The following PTPN1 variants were observed in gnomAD, a reference collection of about 807,000 sequenced individuals.
The protein encoded by PTPN1 is protein tyrosine phosphatase non-receptor type 1.
A neutral mutation model predicts 59.9 loss-of-function variants in PTPN1; 12 were observed. That is an observed-to-expected ratio of 0.20 (90% CI 0.13 to 0.32). The LOEUF is 0.32. Among genes scored for constraint, PTPN1 ranks in the 10% least tolerant of loss-of-function variants. The probability of loss-of-function intolerance (pLI) is 1.00; values close to 1 mark genes in which losing one functional copy is unlikely to be tolerated. For missense variants in PTPN1, 356 were observed against 549.2 expected (o/e 0.65, Z 3.52); for synonymous variants, 178 against 203.6 (o/e 0.87, Z 1.07).
At chr20:50,576,114 C>T (rs545346670) in intron 5 of PTPN1, among the ~76,000 whole-genome samples, 4 of 152,240 alleles carry the variant, frequency 2.6e-5, no homozygotes, top group Non-Finnish European at 4.4e-5. Flanking sequence ...CCTGATGGGG[C>T]AGAGGGTTCT....
intron 1 of PTPN1, among the ~76,000 whole-genome samples, chr20:50,537,487 A>G (rs2082629214): frequency 6.6e-6 from 1 of 152,166 alleles, no homozygotes; most frequent in Non-Finnish European, 1.5e-5. Flanking sequence ...CATCTTATTC[A>G]TATTTCCCCA....
At chr20:50,567,957 G>A (rs1015728024) in intron 3 of PTPN1, among the ~76,000 whole-genome samples, 2 of 152,232 alleles carry the variant, frequency 1.3e-5, no homozygotes, top group African/African-American at 2.4e-5. Flanking sequence ...AGTGACTTGC[G>A]CAAGGTCACA....
intron 2 of PTPN1, among the ~76,000 whole-genome samples, chr20:50,564,665 A>G (rs1238373694): frequency 6.6e-6 from 1 of 152,058 alleles, no homozygotes; most frequent in Admixed American, 6.5e-5. Flanking sequence ...TTTTTGGGGG[A>G]GAGTAATAAG....
At chr20:50,514,660 T>C (rs1365071197) in intron 1 of PTPN1, among the ~76,000 whole-genome samples, 1 of 152,222 alleles carries the variant, frequency 6.6e-6, no homozygotes, top group Non-Finnish European at 1.5e-5. Flanking sequence ...AGGTACTTTT[T>C]CTGAGGCCTG....
intron 1 of PTPN1, among the ~76,000 whole-genome samples, chr20:50,556,642 G>A (rs2426159): frequency 0.47 from 71,669 of 152,048 alleles, 17,512 homozygotes; most frequent in Middle Eastern, 0.65. Context: ...AAATAGTACC[G>A]TAATCGGTTT....
chr20:50,515,417 A>T (rs1241585391), intron 1 of PTPN1, among the ~76,000 whole-genome samples: 1 of 152,178 alleles, frequency 6.6e-6, no homozygotes, highest in African/African-American at 2.4e-5. Flanking sequence ...TATCTCTTCT[A>T]AAGCCCTGCT....
chr20:50,548,121 C>A (rs1215524521), intron 1 of PTPN1, among the ~76,000 whole-genome samples: 1 of 152,134 alleles, frequency 6.6e-6, no homozygotes, highest in African/African-American at 2.4e-5. Context: ...GTCCATCTGT[C>A]CCCCTTGCCT....
chr20:50,582,681 T>C lies in PTPN1; in HGVS notation c.1285-11T>C. Reference sequence around the variant, plus strand: ...GTCTGGGCTCATCTGAACTGTTTGGTTTCATTCCAGTTCCTGTTCAACAGC... The same window carrying C: ...GTCTGGGCTCATCTGAACTGTTTGGCTTCATTCCAGTTCCTGTTCAACAGC... On this transcript the variant is annotated splice_polypyrimidine_tract_variant and intron_variant, in intron 9 of 9. Transcript: ENST00000371621. The surrounding 1 kb of genome is among the most constrained non-coding windows in gnomAD (Gnocchi z 4.2). The C allele has an allele frequency of 6.2e-7, 1 of 1,613,444 alleles. No individual in the cohort carries two copies. The highest frequency in any genetic ancestry group is 2.2e-5 in the East Asian group (1 of 44,856).
At chr20:50,554,655 TA>T (rs1197896478) in intron 1 of PTPN1, among the ~76,000 whole-genome samples, 1 of 151,978 alleles carries the variant, frequency 6.6e-6, no homozygotes, top group Non-Finnish European at 1.5e-5. Flanking sequence ...AACATAGAAA[TA>T]AAAAATGTAT....
At chr20:50,553,021 C>T (rs892410052) in intron 1 of PTPN1, among the ~76,000 whole-genome samples, 1 of 152,132 alleles carries the variant, frequency 6.6e-6, no homozygotes, top group Non-Finnish European at 1.5e-5. Context: ...CAATTTAGTA[C>T]TTATCAGCTG....
At chr20:50,561,511 G>T in intron 2 of PTPN1, 58 bp downstream of exon 2, 1 of 1,119,166 alleles carries the variant, frequency 8.9e-7, no homozygotes, top group African/African-American at 1.6e-5. Context: ...GGCCTTTTTA[G>T]TCAAGACTCC....
At chr20:50,574,392 C>A in intron 4 of PTPN1, 125 bp from the exon 5 acceptor site, 2 of 994,054 alleles carry the variant, frequency 2.0e-6, no homozygotes, top group Non-Finnish European at 2.9e-6. Flanking sequence ...CTGACCATGG[C>A]TTCCATGTTC....
intron 1 of PTPN1, among the ~76,000 whole-genome samples, chr20:50,554,637 A>G (rs117437913): frequency 0.05 from 7,648 of 151,618 alleles, 272 homozygotes; most frequent in Non-Finnish European, 0.076. Context: ...AAAATACATC[A>G]TATTTATAAC....
In PTPN1 at chr20:50,582,663, C is replaced by T. The variant is rs377336411; in HGVS notation, c.1285-29C>T. ...ACAGCTCTGCAGGTGCGGGTCTGGGCTCATCTGAACTGTTTGGTTTCATTC... is the reference window on the plus strand; with the variant it reads ...ACAGCTCTGCAGGTGCGGGTCTGGGTTCATCTGAACTGTTTGGTTTCATTC... On this transcript the variant is annotated intron_variant, in intron 9 of 9. Coordinates refer to ENST00000371621, the MANE Select transcript of PTPN1 (RefSeq NM_002827.4). The surrounding 1 kb of genome is among the most constrained non-coding windows in gnomAD (Gnocchi z 4.2). The T allele has an allele frequency of 2.4e-5, 39 of 1,612,476 alleles. No individual in the cohort carries two copies. In the African/African-American group the frequency reaches 4.9e-4, roughly 20 times the overall value.
At chr20:50,574,764 C>A (rs1601413882) in intron 5 of PTPN1, 110 bp downstream of exon 5, 2 of 1,375,108 alleles carry the variant, frequency 1.5e-6, no homozygotes, top group South Asian at 1.3e-5. Flanking sequence ...TTTTGTATAC[C>A]CCGAGCAAGA....
chr20:50,535,267 C>G (rs772727912), intron 1 of PTPN1, among the ~76,000 whole-genome samples: 1 of 152,120 alleles, frequency 6.6e-6, no homozygotes, highest in East Asian at 1.9e-4. Flanking sequence ...GAAGGCATGC[C>G]TGGATAAAGG....
Position 50,582,620 on chromosome 20 carries a change from G to C in PTPN1, c.1285-72G>C. On this transcript the variant is annotated intron_variant, in intron 9 of 9. Transcript: ENST00000371621. The surrounding 1 kb of genome is among the most constrained non-coding windows in gnomAD (Gnocchi z 4.2). ...GTTGAAGTTGCCGGGGGGTGTGGCC[G>C]GGGTCATGCATGAGGCGACAGCTCT... 1 of 1,550,120 alleles carries C rather than the reference G, an allele frequency of 6.5e-7. No individual in the cohort carries two copies.
At chr20:50,567,899 T>TTC (rs1481631221) in intron 3 of PTPN1, among the ~76,000 whole-genome samples, 1 of 152,218 alleles carries the variant, frequency 6.6e-6, no homozygotes, top group Non-Finnish European at 1.5e-5. Context: ...GAATAGGGAC[T>TTC]ATTATTAGTC....
chr20:50,580,052 G>C, intron 8 of PTPN1, 126 bp downstream of exon 8: 1 of 875,602 alleles, frequency 1.1e-6, no homozygotes, highest in Non-Finnish European at 1.8e-6. Context: ...CGCATCCTTG[G>C]GGAACAGGGC....
Sources: gnomAD v4.1 joint callset for allele counts (sites outside exome capture counted in the v4.1 genomes callset) on GRCh38, gnomAD v4.1.1 for gene constraint, Gnocchi (gnomAD v3.1) non-coding constraint, MANE v1.5 for transcripts, NCBI Gene and HGNC (gene_info 2026-07-23, HGNC 2026-07-21) for gene names.